The following DPYSL2 variants were observed in gnomAD, a reference collection of about 807,000 sequenced individuals.
DPYSL2 encodes dihydropyrimidinase like 2, also known as dihydropyrimidinase-related protein 2.
In DPYSL2, 13 loss-of-function variants were observed where a neutral mutation model predicts 69.9. The observed-to-expected ratio is 0.19, with a 90% CI of 0.12 to 0.30. The LOEUF (loss-of-function observed/expected upper bound fraction) is 0.30, where lower values mean the gene tolerates loss of function less well. Among genes scored for constraint, DPYSL2 ranks in the 10% least tolerant of loss-of-function variants. The pLI is 1.00. For missense variants in DPYSL2, 587 were observed against 918.9 expected (o/e 0.64, Z 4.67); for synonymous variants, 326 against 359.1 (o/e 0.91, Z 1.04).
At chr8:26,629,986 TACAC>T (rs1232179073) in intron 7 of DPYSL2, among the ~76,000 whole-genome samples, 2 of 111,204 alleles carry the variant, frequency 1.8e-5, no homozygotes, top group African/African-American at 2.7e-5. Flanking sequence ...CACATATACA[TACAC>T]ACACGTCCAT....
chr8:26,584,867 C>T (rs1329787027), intron 3 of DPYSL2, among the ~76,000 whole-genome samples: 1 of 152,120 alleles, frequency 6.6e-6, no homozygotes, highest in East Asian at 1.9e-4. Flanking sequence ...GATCTGCCTG[C>T]CTCGGCCTCC....
At position 26,562,300 on chromosome 8, in the gene DPYSL2, C is replaced by A. The variant is rs891768448; in HGVS notation, c.355-19669C>A. On this transcript the variant is annotated intron_variant, in intron 1 of 13. Coordinates refer to ENST00000521913, the MANE Select transcript of DPYSL2 (RefSeq NM_001197293.3). The surrounding 1 kb of genome is among the most constrained non-coding windows in gnomAD (Gnocchi z 4.9). ...GGATTAAATGTATTATGAGGCTTAA[C>A]CAGAGTTAATACTTGCAAAGCACTG... Among the ~76,000 whole-genome samples, 5 of 152,172 alleles carry A rather than the reference C, an allele frequency of 3.3e-5. No individual in the cohort carries two copies. The highest frequency in any genetic ancestry group is 5.9e-5 in the Non-Finnish European group (4 of 68,038).
intron 1 of DPYSL2, among the ~76,000 whole-genome samples, chr8:26,545,270 G>T (rs1800747621): frequency 1.3e-5 from 2 of 152,124 alleles, no homozygotes; most frequent in South Asian, 4.1e-4. Context: ...GCCACAAAAT[G>T]AGTCTTAACA....
In DPYSL2 at chr8:26,588,492, T is replaced by C. The variant is rs2129760209; in HGVS notation, c.628+4509T>C. On this transcript the variant is annotated intron_variant, in intron 3 of 13. Coordinates refer to ENST00000521913, the MANE Select transcript of DPYSL2 (RefSeq NM_001197293.3). The surrounding 1 kb of genome is among the most constrained non-coding windows in gnomAD (Gnocchi z 5.4). ...TGGATCTCCAGGGCTTGGGAACCAC[T>C]GCTCTGAATGTCATTTCTGCTCACC... 6.6e-6 allele frequency among the ~76,000 whole-genome samples: 1 copy of C among 152,308 alleles called. No individual in the cohort carries two copies.
chr8:26,546,917 G>GTC (rs1186867717), intron 1 of DPYSL2, among the ~76,000 whole-genome samples: 2 of 60,752 alleles, frequency 3.3e-5, no homozygotes, highest in African/African-American at 1.5e-4. Flanking sequence ...GGGAGACTCA[G>GTC]TCTCAAAAAA....
rs1165521734 is a variant in DPYSL2 at position 26,577,671 on chromosome 8, GCCGCCAAACCCGGTCCCCA to G, written c.355-4292_355-4274del. ...CGTGGCCCAGGCCGCGCCTGGGGCC[GCCGCCAAACCCGGTCCCCA>G]CCGCCCCGGCCCGAAGAAAGCGCGC... is the stretch of plus-strand genomic sequence containing the variant. On this transcript the variant is annotated intron_variant, in intron 1 of 13. Coordinates refer to ENST00000521913, the MANE Select transcript of DPYSL2 (RefSeq NM_001197293.3). 1.0e-4 allele frequency among the ~76,000 whole-genome samples: 15 copies of G among 150,732 alleles called. No individual in the cohort carries two copies. In the South Asian group the frequency reaches 1.0e-3, roughly 10 times the overall value.
rs1801571332 is a variant in DPYSL2, at chr8:26,585,116, A to T, written c.628+1133A>T. On this transcript the variant is annotated intron_variant, in intron 3 of 13. Transcript: ENST00000521913. The surrounding 1 kb of genome is among the most constrained non-coding windows in gnomAD (Gnocchi z 4.0). The stretch of plus-strand genomic sequence containing the variant: ...GTCAGATACATATTTTAAAAAACAG[A>T]TTGCATCCAAGAGTGACAGTCAACG... 6.6e-6 allele frequency among the ~76,000 whole-genome samples: 1 copy of T among 152,172 alleles called. No homozygotes were observed.
rs192320133 is a variant in DPYSL2 at position 26,517,639 on chromosome 8, C to T, written c.354+2960C>T. Among the ~76,000 whole-genome samples, 5 of 152,322 alleles carry T rather than the reference C, an allele frequency of 3.3e-5. No homozygotes were observed. The highest frequency in any genetic ancestry group is 4.8e-5 in the African/African-American group (2 of 41,564). ...TTCCTCCATTCCACTCCAGACACAG[C>T]GTAGCCAGAACCAGTGGCTCCACCA... On this transcript the variant is annotated intron_variant, in intron 1 of 13. Transcript: ENST00000521913. This position sits in a 1 kb window ranked among gnomAD's most constrained non-coding sequence, Gnocchi z 4.2.
At chr8:26,581,497 C>T (rs996161230) in intron 1 of DPYSL2, among the ~76,000 whole-genome samples, 8 of 151,734 alleles carry the variant, frequency 5.3e-5, no homozygotes, top group Non-Finnish European at 1.0e-4. Flanking sequence ...CTCAGCCTCC[C>T]GAGTAGCTGG....
chr8:26,573,895 A>AT (rs11340126), intron 1 of DPYSL2, among the ~76,000 whole-genome samples: 16,686 of 139,188 alleles, frequency 0.12, 1,080 homozygotes, highest in Middle Eastern at 0.22. Context: ...TGCATTGGGG[A>AT]TTTTTTTTTT....
intron 1 of DPYSL2, among the ~76,000 whole-genome samples, chr8:26,519,021 G>A (rs1372881): frequency 0.6 from 91,258 of 152,064 alleles, 29,648 homozygotes; most frequent in East Asian, 0.9. Context: ...CTCAAGGATA[G>A]AGAGGAGAAT....
At chr8:26,523,622 G>T (rs1049378889) in intron 1 of DPYSL2, among the ~76,000 whole-genome samples, 2 of 151,880 alleles carry the variant, frequency 1.3e-5, no homozygotes, top group African/African-American at 4.8e-5. Context: ...CTCAAAGTTT[G>T]TTCATGTTGT....
At chr8:26,583,751 G>A in intron 2 of DPYSL2, 48 bp from the exon 3 acceptor site, 1 of 1,539,704 alleles carries the variant, frequency 6.5e-7, no homozygotes, top group Non-Finnish European at 8.8e-7. Context: ...GATCCCATTT[G>A]AGTCCACATT....
chr8:26,628,547 A>G (rs887970966), intron 7 of DPYSL2, among the ~76,000 whole-genome samples: 4 of 152,224 alleles, frequency 2.6e-5, no homozygotes, highest in African/African-American at 4.8e-5. Flanking sequence ...ACCTGTGTTC[A>G]TCAGTTAGAA....
intron 1 of DPYSL2, among the ~76,000 whole-genome samples, chr8:26,535,318 A>G (rs1394242903): frequency 1.3e-5 from 2 of 152,134 alleles, no homozygotes; most frequent in African/African-American, 4.8e-5. Context: ...TACCATCACA[A>G]TAGGGATTAG....
chr8:26,601,753 A>G (rs780927768), intron 3 of DPYSL2, among the ~76,000 whole-genome samples: 3 of 152,188 alleles, frequency 2.0e-5, no homozygotes, highest in Non-Finnish European at 2.9e-5. Flanking sequence ...GAAACAGGAG[A>G]ATTTTTACTG....
intron 4 of DPYSL2, among the ~76,000 whole-genome samples, chr8:26,625,355 G>T (rs985471213): frequency 6.6e-6 from 1 of 152,182 alleles, no homozygotes; most frequent in Non-Finnish European, 1.5e-5. Context: ...GACTCCAAGT[G>T]GTTTAACTGT....
intron 1 of DPYSL2, among the ~76,000 whole-genome samples, chr8:26,568,586 T>A (rs1801188324): frequency 6.6e-6 from 1 of 152,204 alleles, no homozygotes; most frequent in Non-Finnish European, 1.5e-5. Flanking sequence ...ACTAAGCTAA[T>A]AAATTGCCCC....
At position 26,628,224 on chromosome 8, in the gene DPYSL2, T is replaced by C. The variant is rs117662678; in HGVS notation, c.1005+284T>C. Among the ~76,000 whole-genome samples the C allele has an allele frequency of 3.8e-3, 585 of 152,386 alleles. 3 individuals are homozygous for C. Among genetic ancestry groups the C allele is most frequent in the Non-Finnish European group, 5.6e-3 (379 of 68,042 alleles). On this transcript the variant is annotated intron_variant, in intron 7 of 13. Transcript: ENST00000521913. Reference sequence around the variant, plus strand: ...TTGTATAGACACAAACAGTTCTTCATTGGCATCCTGCAATGTAGATTTTAG... The same window carrying C: ...TTGTATAGACACAAACAGTTCTTCACTGGCATCCTGCAATGTAGATTTTAG...
Sources: gnomAD v4.1 joint callset for allele counts (sites outside exome capture counted in the v4.1 genomes callset) on GRCh38, gnomAD v4.1.1 for gene constraint, Gnocchi (gnomAD v3.1) non-coding constraint, MANE v1.5 for transcripts, NCBI Gene and HGNC (gene_info 2026-07-23, HGNC 2026-07-21) for gene names.